The following THEM5 variants were observed in gnomAD, a reference collection of about 807,000 sequenced individuals.
The protein encoded by THEM5 is thioesterase superfamily member 5.
Under a neutral mutation model 24.2 loss-of-function variants are expected in THEM5, and 28 were observed. The observed-to-expected ratio is 1.16, with a 90% CI of 0.86 to 1.59. The LOEUF (loss-of-function observed/expected upper bound fraction) is 1.59, where lower values mean the gene tolerates loss of function less well. Among genes scored for constraint, THEM5 ranks in the 40% most tolerant of loss-of-function variants. THEM5 has a pLI of 0.00. For missense variants in THEM5, 260 were observed against 296.8 expected (o/e 0.88, Z 0.91); for synonymous variants, 87 against 114.5 (o/e 0.76, Z 1.53).
rs754844097 is a variant in THEM5 at position 151,851,211 on chromosome 1, G to A, written c.326-20C>T. 2 of 1,614,126 alleles carry A rather than the reference G, an allele frequency of 1.2e-6. No homozygotes were observed. The highest frequency in any genetic ancestry group is 1.3e-5 in the African/African-American group (1 of 75,054). Reference sequence around the variant, plus strand: ...CTTTGTCTGGGGAGAGATAGGCAGTGTTGCAGCCGGAGAAGGGAGGGTATG... The same window carrying A: ...CTTTGTCTGGGGAGAGATAGGCAGTATTGCAGCCGGAGAAGGGAGGGTATG... On this transcript the variant is annotated intron_variant, in intron 2 of 5. Transcript: ENST00000368817.
At chr1:151,849,739 G>A (rs1246112028) in intron 3 of THEM5, among the ~76,000 whole-genome samples, 1 of 152,170 alleles carries the variant, frequency 6.6e-6, no homozygotes, top group Non-Finnish European at 1.5e-5. Context: ...TCTCCTCCTT[G>A]TCCTCACTGG....
At position 151,847,158 on chromosome 1, in the gene THEM5, T is replaced by A; in HGVS notation, c.*213A>T. Reference sequence around the variant, plus strand: ...AGGGTCCTTTCCCTCGCCTCACCAATTGCTGCTTGAGGACCCCTCCCTGCT... The same window carrying A: ...AGGGTCCTTTCCCTCGCCTCACCAAATGCTGCTTGAGGACCCCTCCCTGCT... On this transcript the variant is annotated 3_prime_UTR_variant, in exon 6 of 6. Coordinates refer to ENST00000368817, the MANE Select transcript of THEM5 (RefSeq NM_182578.4). The A allele has an allele frequency of 1.3e-6, 1 of 756,486 alleles. No homozygotes were observed. Among genetic ancestry groups the A allele is most frequent in the Non-Finnish European group, 2.4e-6 (1 of 419,830 alleles). 46.9% of individuals were successfully genotyped at this position (756,486 alleles called of 1,614,324 possible).
intron 2 of THEM5, 78 bp downstream of exon 2, chr1:151,852,180 G>T: frequency 7.2e-7 from 1 of 1,380,314 alleles, no homozygotes; most frequent in Non-Finnish European, 1.0e-6. Context: ...ACTGGAAGGC[G>T]GTCTGTGAAG....
At chr1:151,852,856 TG>T (rs1164288971) in intron 1 of THEM5, among the ~76,000 whole-genome samples, 1 of 151,932 alleles carries the variant, frequency 6.6e-6, no homozygotes, top group African/African-American at 2.4e-5. Flanking sequence ...TGAGAGCTGG[TG>T]GTCGCACTAG....
rs1360839823 is a variant in THEM5 at position 151,847,879 on chromosome 1, C to T, written c.576-17G>A. The T allele has an allele frequency of 6.2e-7, 1 of 1,613,664 alleles. No homozygotes were observed. The highest frequency in any genetic ancestry group is 8.5e-7 in the Non-Finnish European group (1 of 1,179,966). On this transcript the variant is annotated splice_polypyrimidine_tract_variant and intron_variant, in intron 4 of 5. Transcript: ENST00000368817. ...GGGATCAAGCTGGGAGACGAGGCAGCTTAGCCCATCTCTCATGTGAACCCG... is the reference window on the plus strand; with the variant it reads ...GGGATCAAGCTGGGAGACGAGGCAGTTTAGCCCATCTCTCATGTGAACCCG...
In THEM5 at chr1:151,848,282, C is replaced by A. The variant is rs543970440; in HGVS notation, c.475G>T (p.Gly159Cys). The A allele has an allele frequency of 6.2e-7, 1 of 1,613,804 alleles. No homozygotes were observed. Among genetic ancestry groups the A allele is most frequent in the African/African-American group, 1.3e-5 (1 of 74,900 alleles). ...YLEGPPGFAH[G>C]GSLAAMMDET... is the part of the protein sequence containing the mutation. The stretch of plus-strand genomic sequence containing the variant: ...TCCATCATGGCTGCCAGGGACCCGC[C>A]GTGAGCAAACCTGGGGGTGGGGTAA... Residue 159 changes from glycine (G) to cysteine (C), a missense_variant, in exon 4 of 6, where the codon GGC becomes TGC. Coordinates refer to ENST00000368817, the MANE Select transcript of THEM5 (RefSeq NM_182578.4).
chr1:151,848,328 C>G (rs747019350), intron 3 of THEM5, 36 bp from the exon 4 acceptor site: 1 of 1,551,822 alleles, frequency 6.4e-7, no homozygotes, highest in African/African-American at 1.4e-5. Context: ...AAGGCCTGGG[C>G]TGGGGCTGCT....
At chr1:151,847,959 C>G in intron 4 of THEM5, 97 bp from the exon 5 acceptor site, 1 of 1,569,104 alleles carries the variant, frequency 6.4e-7, no homozygotes, top group Non-Finnish European at 8.6e-7. Context: ...CCCTCCCGGC[C>G]TCGAGGACTC....
chr1:151,853,412 C>G (rs745578962), intron 1 of THEM5, 31 bp downstream of exon 1: 31 of 1,604,244 alleles, frequency 1.9e-5, no homozygotes, highest in Non-Finnish European at 2.6e-5. Flanking sequence ...CCTGGGAAAA[C>G]ACTGCCCATC....
In THEM5 at chr1:151,852,292, TC is replaced by T. The variant is rs1422340976; in HGVS notation, c.290del (p.Gly97AspfsTer69). On this transcript the variant is annotated frameshift_variant, in exon 2 of 6. Transcript: ENST00000368817. LOFTEE classifies it high-confidence loss of function. ...SFKSNRDHIR[G>X]LKLPSGLAVS... ...CTGCCAGTCCAGATGGGAGCTTGAG[TC>T]CCCGGATGTGGTCTCTGTTGGACTT... 4.3e-6 allele frequency: 7 copies of T among 1,613,626 alleles called. No homozygotes were observed. In the Admixed American group the frequency reaches 1.2e-4, roughly 27 times the overall value.
At chr1:151,850,215 C>G (rs1379250642) in intron 3 of THEM5, 1 of 152,376 alleles carries the variant, frequency 6.6e-6, no homozygotes, top group African/African-American at 2.4e-5. Flanking sequence ...CCTGCCCTCT[C>G]TTGTCTCTCC....
At chr1:151,852,591 G>T in intron 1 of THEM5, 132 bp from the exon 2 acceptor site, 1 of 820,386 alleles carries the variant, frequency 1.2e-6, no homozygotes, top group Non-Finnish European at 1.9e-6. Flanking sequence ...CGATCCAAGG[G>T]AAAGGGCCCA....
chr1:151,848,178 T>A lies in THEM5; in HGVS notation c.575+4A>T. ...TGGCCAATGCCCCAGGGGCCCATAC[T>A]TACTTTTTGAACCTGATGTTGAGAC... On this transcript the variant is annotated splice_donor_region_variant and intron_variant, in intron 4 of 5. Transcript: ENST00000368817. 1 of 1,614,066 alleles carries A rather than the reference T, an allele frequency of 6.2e-7. No homozygotes were observed. Among genetic ancestry groups the A allele is most frequent in the Non-Finnish European group, 8.5e-7 (1 of 1,179,894 alleles).
chr1:151,853,087 T>G (rs534732432), intron 1 of THEM5, among the ~76,000 whole-genome samples: 6 of 152,352 alleles, frequency 3.9e-5, no homozygotes, highest in African/African-American at 1.4e-4. Context: ...TAGCGTCACC[T>G]GCTCATACAC....
intron 4 of THEM5, 95 bp from the exon 5 acceptor site, chr1:151,847,957 G>A: frequency 6.4e-7 from 1 of 1,571,944 alleles, no homozygotes; most frequent in Non-Finnish European, 8.6e-7. Context: ...ATCCCTCCCG[G>A]CCTCGAGGAC....
chr1:151,847,801 T>C lies in THEM5; in HGVS notation c.637A>G (p.Lys213Glu). 6.2e-7 allele frequency: 1 copy of C among 1,614,030 alleles called. No homozygotes were observed. The highest frequency in any genetic ancestry group is 8.5e-7 in the Non-Finnish European group (1 of 1,180,016). Residue 213 changes from lysine to glutamate, a missense_variant, in exon 5 of 6, where the codon AAG becomes GAG. Coordinates refer to ENST00000368817, the MANE Select transcript of THEM5 (RefSeq NM_182578.4). ...TGGGCGATGCAGGACATGTAAAGCT[T>C]CTGGTCCTCAATCTTGTCCAGTTCT... ...DVELDKIEDQ[K>E]LYMSCIAHSR...
intron 2 of THEM5, 36 bp from the exon 3 acceptor site, chr1:151,851,227 G>A: frequency 6.2e-7 from 1 of 1,613,864 alleles, no homozygotes; most frequent in Non-Finnish European, 8.5e-7. Context: ...GCCGGAGAAG[G>A]GAGGGTATGG....
In THEM5 at chr1:151,851,062, C is replaced by T; in HGVS notation, c.455G>A (p.Gly152Glu). Residue 152 changes from glycine (G) to glutamate (E), a missense_variant, in exon 3 of 6, where the codon GGG becomes GAG. Transcript: ENST00000368817. ...CLFQPGSYLE[G>E]PPGFAHGGSL... ...CTACCAGTGACCTTACCCTGGGGGC[C>T]CCTCCAGGTAGGAGCCTGGTTGGAA... is the stretch of plus-strand genomic sequence containing the variant. 6.2e-7 allele frequency: 1 copy of T among 1,614,128 alleles called. No individual in the cohort carries two copies. The highest frequency in any genetic ancestry group is 2.2e-5 in the East Asian group (1 of 44,882).
chr1:151,852,269 G>A lies in THEM5; in HGVS notation c.314C>T (p.Ala105Val), dbSNP rs1653149395. 6.2e-7 allele frequency: 1 copy of A among 1,613,432 alleles called. No homozygotes were observed. Among genetic ancestry groups the A allele is most frequent in the Non-Finnish European group, 8.5e-7 (1 of 1,180,024 alleles). The change falls in exon 2 of 6, where the codon GCA becomes GTA. Residue 105 changes from alanine to valine, a missense_variant. Physicochemically the swap from Ala to Val is moderately conservative, Grantham distance 64. Coordinates refer to ENST00000368817, the MANE Select transcript of THEM5 (RefSeq NM_182578.4). ...GGTCCTGTCCTTACCTGAGGAAACT[G>A]CCAGTCCAGATGGGAGCTTGAGTCC... Reference protein sequence around the residue: ...IRGLKLPSGLAVSSDKGDCRI... With the variant: ...IRGLKLPSGLVVSSDKGDCRI...
Sources: allele counts gnomAD v4.1 joint callset (sites outside exome capture counted in the v4.1 genomes callset), GRCh38; gene constraint gnomAD v4.1.1; transcripts MANE v1.5; gene names NCBI Gene and HGNC (gene_info 2026-07-23, HGNC 2026-07-21).